TRIM7: variants seen among roughly 807,000 people sequenced by gnomAD.
TRIM7 encodes the protein E3 ubiquitin-protein ligase TRIM7.
A neutral mutation model predicts 37.9 loss-of-function variants in TRIM7; 32 were observed. The observed-to-expected ratio is 0.84, with a 90% CI of 0.64 to 1.13. The LOEUF (loss-of-function observed/expected upper bound fraction) is 1.13, where lower values mean the gene tolerates loss of function less well. TRIM7 is among the 50% of genes most tolerant of loss of function. The pLI is 0.00. For missense variants in TRIM7, 732 were observed against 714.0 expected (o/e 1.03, Z -0.29); for synonymous variants, 351 against 321.3 (o/e 1.09, Z -0.99).
rs895323302 is a variant in TRIM7 at position 181,204,686 on chromosome 5, T to C, written c.425A>G (p.Gln142Arg). Reference sequence around the variant, plus strand: ...CACGCAGATGGCGCGTCCGTCGTCCTGGCAGTAGAGCTTGAAGGGTTCGCC... The same window carrying C: ...CACGCAGATGGCGCGTCCGTCGTCCCGGCAGTAGAGCTTGAAGGGTTCGCC... ...QHGEPFKLYC[Q>R]DDGRAICVVC... Residue 142 changes from glutamine (Q) to arginine (R), a missense_variant, in exon 1 of 7, where the codon CAG becomes CGG. Gln to Arg is a conservative substitution (Grantham distance 43). Coordinates refer to ENST00000274773, the MANE Select transcript of TRIM7 (RefSeq NM_203293.3). The C allele has an allele frequency of 8.0e-6, 12 of 1,509,090 alleles. No individual in the cohort carries two copies. Among genetic ancestry groups the C allele is most frequent in the African/African-American group, 2.9e-5 (2 of 68,766 alleles). The allele number at this position is 1,509,090 out of a possible 1,614,324, so 93.5% of individuals were successfully genotyped here.
chr5:181,195,297 CCTCCAG>C lies in TRIM7; in HGVS notation c.1399_1404del (p.Leu467_Glu468del), dbSNP rs766860008. ...ACAGCGTAGAAGGACACGGCTCCCA[CCTCCAG>C]GTCCAGGGCCACCCGCACGCGCGAC... On this transcript the variant is annotated inframe_deletion, in exon 7 of 7. Transcript: ENST00000274773. 6.2e-7 allele frequency: 1 copy of C among 1,603,146 alleles called. No individual in the cohort carries two copies. Among genetic ancestry groups the C allele is most frequent in the Non-Finnish European group, 8.5e-7 (1 of 1,175,274 alleles).
rs756330289 is a variant in TRIM7 at position 181,195,547 on chromosome 5, G to T, written c.1155C>A (p.Arg385=). Residue 385 remains arginine, a synonymous_variant, in exon 7 of 7, where the codon CGC becomes CGA. Transcript: ENST00000274773. ...AGGAGAAGCCGCAGGACGCCAGGAC[G>T]CGGGTGTTGGTGTCGAAGCGGCAGG... ...NHPCRFDTNT[R]VLASCGFSSG... 2 of 1,611,742 alleles carry T rather than the reference G, an allele frequency of 1.2e-6. No homozygotes were observed. Among genetic ancestry groups the T allele is most frequent in the African/African-American group, 2.7e-5 (2 of 74,896 alleles).
intron 1 of TRIM7, 151 bp downstream of exon 1, chr5:181,204,438 C>G: frequency 8.7e-7 from 1 of 1,153,506 alleles, no homozygotes; most frequent in Non-Finnish European, 1.1e-6. Flanking sequence ...AGCCCGGGAA[C>G]CAGCGCTGGG....
At chr5:181,199,338 C>T in intron 3 of TRIM7, 2 of 603,924 alleles carry the variant, frequency 3.3e-6, no homozygotes, top group South Asian at 2.0e-5. Flanking sequence ...CACAACTCTT[C>T]ACGTGCTTTC....
At chr5:181,196,794 G>A (rs879124773) in intron 6 of TRIM7, 12 of 152,144 alleles carry the variant, frequency 7.9e-5, no homozygotes, top group South Asian at 4.1e-4. Context: ...CACTGCGGAC[G>A]GTGAGAGATG....
At position 181,195,767 on chromosome 5, in the gene TRIM7, T is replaced by G. The variant is rs560424562; in HGVS notation, c.1025-90A>C. On this transcript the variant is annotated intron_variant, in intron 6 of 6. Transcript: ENST00000274773. ...CCGCGCCCGACCTTGCTTTGCAACCTGCCTGCCTTTCCCTCTAGAATCCCC... is the reference window on the plus strand; with the variant it reads ...CCGCGCCCGACCTTGCTTTGCAACCGGCCTGCCTTTCCCTCTAGAATCCCC... The G allele has an allele frequency of 4.8e-5, 70 of 1,465,028 alleles. No individual in the cohort carries two copies. The Admixed American group carries it at 1.3e-3, about 27-fold the overall frequency. 90.8% of individuals were successfully genotyped at this position (1,465,028 alleles called of 1,614,324 possible). A position where few individuals can be genotyped will look rare whatever the true frequency, so the allele number is the denominator to read the frequency against.
chr5:181,204,610 G>A lies in TRIM7; in HGVS notation c.501C>T (p.Asp167=). The change falls in exon 1 of 7, where the codon GAC becomes GAT. Residue 167 remains aspartate, a synonymous_variant. Coordinates refer to ENST00000274773, the MANE Select transcript of TRIM7 (RefSeq NM_203293.3). ...TCACCTTGGCCTCCTGCACCGCCTC[G>A]TCCAGCGGCAGCACGGCGTGCTCGC... The part of the protein sequence containing the change: ...EHREHAVLPL[D]EAVQEAKELL... 1 of 1,456,082 alleles carries A rather than the reference G, an allele frequency of 6.9e-7. No individual in the cohort carries two copies. 90.2% of individuals were successfully genotyped at this position (1,456,082 alleles called of 1,614,324 possible). A position where few individuals can be genotyped will look rare whatever the true frequency, so the allele number is the denominator to read the frequency against.
At position 181,195,249 on chromosome 5, in the gene TRIM7, T is replaced by C. The variant is rs761311052; in HGVS notation, c.1453A>G (p.Thr485Ala). 2.5e-6 allele frequency: 4 copies of C among 1,612,670 alleles called. No homozygotes were observed. The South Asian group carries it at 4.4e-5, about 18-fold the overall frequency. Residue 485 changes from threonine to alanine, a missense_variant, in exon 7 of 7, where the codon ACC becomes GCC. Transcript: ENST00000274773. ...CGCTCCTGGAAGTTGACGCGGAAGGTGTAGAGGTGGCGCATGTCCTCCACA... is the reference window on the plus strand; with the variant it reads ...CGCTCCTGGAAGTTGACGCGGAAGGCGTAGAGGTGGCGCATGTCCTCCACA... ...YAVEDMRHLY[T>A]FRVNFQERVF...
At chr5:181,195,775 T>G (rs1040977370) in intron 6 of TRIM7, 98 bp from the exon 7 acceptor site, 5 of 1,447,564 alleles carry the variant, frequency 3.5e-6, no homozygotes, top group Admixed American at 2.6e-5. Context: ...CCTGCCTGCC[T>G]TTCCCTCTAG....
chr5:181,204,206 G>T (rs921311888), intron 1 of TRIM7: 2 of 1,025,662 alleles, frequency 1.9e-6, no homozygotes, highest in African/African-American at 3.4e-5. Context: ...CGGGGAAAGA[G>T]ATAAGAGTGG....
At chr5:181,197,832 C>A (rs896146395) in intron 6 of TRIM7, 4 of 295,960 alleles carry the variant, frequency 1.4e-5, no homozygotes, top group East Asian at 1.4e-4. Flanking sequence ...CCTTGCTTTC[C>A]TGGTCCCCTG....
chr5:181,204,832 G>A lies in TRIM7; in HGVS notation c.279C>T (p.Asn93=). The change falls in exon 1 of 7, where the codon AAC becomes AAT. Residue 93 remains asparagine (N), a synonymous_variant. Transcript: ENST00000274773. ...EPARPSQLRP[N]RQLAAVATLL... is the part of the protein sequence containing the mutation. ...GCGTGGCCACTGCCGCCAGCTGCCGGTTGGGCCGCAGCTGACTGGGGCGCG... is the reference window on the plus strand; with the variant it reads ...GCGTGGCCACTGCCGCCAGCTGCCGATTGGGCCGCAGCTGACTGGGGCGCG... 1 of 1,373,466 alleles carries A rather than the reference G, an allele frequency of 7.3e-7. No homozygotes were observed. The highest frequency in any genetic ancestry group is 9.3e-7 in the Non-Finnish European group (1 of 1,071,822). The allele number at this position is 1,373,466 out of a possible 1,614,324, so 85.1% of individuals were successfully genotyped here.
chr5:181,200,224 G>A (rs2546397), intron 2 of TRIM7, 143 bp from the exon 3 acceptor site: 133,654 of 1,538,740 alleles, frequency 0.087, 12,744 homozygotes, highest in African/African-American at 0.49. Context: ...CACGCAGTGC[G>A]TGCTCTATTG....
rs1451389330 is a variant in TRIM7, at chr5:181,204,979, G to T, written c.132C>A (p.Cys44Ter). 1.3e-5 allele frequency: 19 copies of T among 1,483,484 alleles called. No individual in the cohort carries two copies. Among genetic ancestry groups the T allele is most frequent in the East Asian group, 2.9e-5 (1 of 34,420 alleles). The allele number at this position is 1,483,484 out of a possible 1,614,324, so 91.9% of individuals were successfully genotyped here. ...TGCAGGCGCGGCAGAAGCTGTGGCC[G>T]CACTCGACGGACACCGGCTCACGAA... Reference protein sequence around the residue: ...ELFREPVSVECGHSFCRACIG... With the variant: ...ELFREPVSVE The change falls in exon 1 of 7, where the codon TGC becomes TGA. Residue 44 changes from cysteine (C) to a stop codon, truncating the protein, a stop_gained. Transcript: ENST00000274773. LOFTEE classifies it high-confidence loss of function.
chr5:181,198,683 C>T lies in TRIM7; in HGVS notation c.988+7G>A, dbSNP rs1177325485. 3.7e-5 allele frequency: 59 copies of T among 1,605,300 alleles called. No homozygotes were observed. Among genetic ancestry groups the T allele is most frequent in the Non-Finnish European group, 4.8e-5 (56 of 1,172,182 alleles). Reference sequence around the variant, plus strand: ...TATGTGGCCCAGCTTGGCGCCCAGGCCCCTACCTTTGAACTTCTTCAGCAT... The same window carrying T: ...TATGTGGCCCAGCTTGGCGCCCAGGTCCCTACCTTTGAACTTCTTCAGCAT... On this transcript the variant is annotated splice_region_variant and intron_variant, in intron 5 of 6. Transcript: ENST00000274773.
At position 181,205,018 on chromosome 5, in the gene TRIM7, G is replaced by C; in HGVS notation, c.93C>G (p.Ile31Met). 1 of 1,470,258 alleles carries C rather than the reference G, an allele frequency of 6.8e-7. No individual in the cohort carries two copies. Among genetic ancestry groups the C allele is most frequent in the Non-Finnish European group, 8.9e-7 (1 of 1,118,966 alleles). 91.1% of individuals were successfully genotyped at this position (1,470,258 alleles called of 1,614,324 possible). The part of the protein sequence containing the change: ...AELQGEATCS[I>M]CLELFREPVS... ...CCGGCTCACGAAAGAGCTCTAGGCA[G>C]ATGGAGCACGTCGCCTCGCCCTGCA... Residue 31 changes from isoleucine to methionine, a missense_variant, in exon 1 of 7, where the codon ATC (isoleucine) becomes ATG (methionine). Transcript: ENST00000274773.
rs1757403612 is a variant in TRIM7, at chr5:181,200,324, T to C, written c.619-243A>G. 5.6e-6 allele frequency: 8 copies of C among 1,429,866 alleles called. 1 individual carries two copies. In the South Asian group the frequency reaches 1.2e-4, roughly 22 times the overall value. 88.6% of individuals were successfully genotyped at this position (1,429,866 alleles called of 1,614,324 possible). A position where few individuals can be genotyped will look rare whatever the true frequency, so the allele number is the denominator to read the frequency against. ...GCACCCACACATGTCTGTGGACCTG[T>C]GCTCCATCACCTAAACCAAGGCAGC... On this transcript the variant is annotated intron_variant, in intron 2 of 6. Coordinates refer to ENST00000274773, the MANE Select transcript of TRIM7 (RefSeq NM_203293.3).
chr5:181,204,208 T>G (rs1055902054), intron 1 of TRIM7: 7 of 1,020,004 alleles, frequency 6.9e-6, no homozygotes, highest in East Asian at 1.7e-4. Flanking sequence ...GGGAAAGAGA[T>G]AAGAGTGGGG....
At chr5:181,195,897 A>C in intron 6 of TRIM7, 2 of 478,284 alleles carry the variant, frequency 4.2e-6, no homozygotes, top group Non-Finnish European at 7.2e-6. Flanking sequence ...AAATCAAACA[A>C]ATGCAATGTG....
Sources: gnomAD v4.1 joint callset for allele counts on GRCh38, gnomAD v4.1.1 for gene constraint, MANE v1.5 for transcripts, NCBI Gene and HGNC (gene_info 2026-07-23, HGNC 2026-07-21) for gene names.